TBL1XR1: variants seen among roughly 807,000 people sequenced by gnomAD.
The protein encoded by TBL1XR1 is TBL1X/Y related 1.
In TBL1XR1, 5 loss-of-function variants were observed where a neutral mutation model predicts 66.9. The observed-to-expected ratio is 0.07, with a 90% CI of 0.04 to 0.16. The LOEUF (loss-of-function observed/expected upper bound fraction) is 0.16, where lower values mean the gene tolerates loss of function less well. TBL1XR1 is among the 10% of genes least tolerant of loss of function. TBL1XR1 has a pLI of 1.00. For missense variants in TBL1XR1, 238 were observed against 623.2 expected, an observed-to-expected ratio of 0.38 and a Z score of 6.58; for synonymous variants, 210 against 206.0, an observed-to-expected ratio of 1.02 and a Z score of -0.17.
At chr3:177,186,840 C>A (rs554185631) in intron 1 of TBL1XR1, among the ~76,000 whole-genome samples, 5 of 152,272 alleles carry the variant, frequency 3.3e-5, no homozygotes, top group African/African-American at 1.2e-4. Context: ...AATCCCAGCA[C>A]TTTGGGAGCC....
chr3:177,184,468 C>T (rs898869516), intron 1 of TBL1XR1, among the ~76,000 whole-genome samples: 1 of 152,134 alleles, frequency 6.6e-6, no homozygotes, highest in Middle Eastern at 3.2e-3. Context: ...AAAGTTTGCA[C>T]TAAATTATTT....
chr3:177,110,253 T>C (rs1334906289), intron 1 of TBL1XR1, among the ~76,000 whole-genome samples: 3 of 152,162 alleles, frequency 2.0e-5, no homozygotes, highest in Non-Finnish European at 4.4e-5. Context: ...AAAATTAACA[T>C]CAAAGAACTT....
rs1305283988 is a variant in TBL1XR1, at chr3:177,034,591, T to C, written c.1123-266A>G. On this transcript the variant is annotated intron_variant, in intron 12 of 15. Transcript: ENST00000457928. ...AAGACTGAATTAACTATAGTTGTTCTGAGATTAGTTAACGATCCTAAAATG... is the reference window on the plus strand; with the variant it reads ...AAGACTGAATTAACTATAGTTGTTCCGAGATTAGTTAACGATCCTAAAATG... 3.9e-5 allele frequency among the ~76,000 whole-genome samples: 6 copies of C among 152,290 alleles called. No homozygotes were observed. The East Asian group carries it at 7.7e-4, about 20-fold the overall frequency.
chr3:177,132,645 C>T (rs11717422), intron 1 of TBL1XR1, among the ~76,000 whole-genome samples: 10,410 of 152,166 alleles, frequency 0.068, 520 homozygotes, highest in Admixed American at 0.17. Flanking sequence ...GATTAGAGAA[C>T]ATGGCCAGGA....
intron 2 of TBL1XR1, among the ~76,000 whole-genome samples, chr3:177,095,714 A>C (rs1723393713): frequency 6.6e-6 from 1 of 152,084 alleles, no homozygotes; most frequent in African/African-American, 2.4e-5. Flanking sequence ...TCCTGATCTC[A>C]CAAGTGATCC....
upstream of TBL1XR1, among the ~76,000 whole-genome samples, chr3:177,198,564 G>A (rs1384932232): frequency 1.1e-4 from 16 of 152,112 alleles, no homozygotes; most frequent in Non-Finnish European, 1.2e-4. Context: ...CACCTCACAG[G>A]TTTTAAAGCA....
At position 177,053,761 on chromosome 3, in the gene TBL1XR1, A is replaced by G. The variant is rs1234258200; in HGVS notation, c.204+12T>C. Reference sequence around the variant, plus strand: ...ATGAAAAAAATCAGTATTTGAAATAAGTCTTCCTTACCTCATTAATACTAA... The same window carrying G: ...ATGAAAAAAATCAGTATTTGAAATAGGTCTTCCTTACCTCATTAATACTAA... On this transcript the variant is annotated intron_variant, in intron 4 of 15. Coordinates refer to ENST00000457928, the MANE Select transcript of TBL1XR1 (RefSeq NM_024665.7). 6.2e-7 allele frequency: 1 copy of G among 1,608,518 alleles called. No individual in the cohort carries two copies. Among genetic ancestry groups the G allele is most frequent in the Middle Eastern group, 2.2e-4 (1 of 4,540 alleles).
intron 2 of TBL1XR1, among the ~76,000 whole-genome samples, chr3:177,082,443 C>T (rs1721513488): frequency 1.3e-5 from 2 of 151,276 alleles, no homozygotes; most frequent in African/African-American, 4.8e-5. Flanking sequence ...TATTTTGATA[C>T]TAATATTTAC....
chr3:177,114,264 CAT>C (rs914035604), intron 1 of TBL1XR1, among the ~76,000 whole-genome samples: 4 of 150,504 alleles, frequency 2.7e-5, no homozygotes, highest in Admixed American at 6.6e-5. Context: ...TATATATAAT[CAT>C]ATATATATAC....
chr3:177,115,570 ATGC>A (rs1726207393), intron 1 of TBL1XR1, among the ~76,000 whole-genome samples: 1 of 152,054 alleles, frequency 6.6e-6, no homozygotes, highest in Non-Finnish European at 1.5e-5. Flanking sequence ...AAATCTCTCT[ATGC>A]TGCCTACTGA....
intron 9 of TBL1XR1, among the ~76,000 whole-genome samples, chr3:177,046,835 C>T (rs1716392254): frequency 6.6e-6 from 1 of 152,098 alleles, no homozygotes; most frequent in African/African-American, 2.4e-5. Flanking sequence ...TAATCTTAAA[C>T]CTTTAGGAGG....
chr3:177,089,167 A>G (rs1722520690), intron 2 of TBL1XR1, among the ~76,000 whole-genome samples: 1 of 152,188 alleles, frequency 6.6e-6, no homozygotes, highest in East Asian at 1.9e-4. Context: ...TTTATGAGTA[A>G]AAGAGGTGAT....
At chr3:177,091,401 T>C (rs1722831825) in intron 2 of TBL1XR1, among the ~76,000 whole-genome samples, 1 of 152,098 alleles carries the variant, frequency 6.6e-6, no homozygotes, top group Admixed American at 6.5e-5. Context: ...TATTAACTAT[T>C]GCATATTATA....
intron 2 of TBL1XR1, among the ~76,000 whole-genome samples, chr3:177,069,806 AAGGAAGGAAGG>A (rs1221164049): frequency 7.8e-5 from 9 of 115,072 alleles, no homozygotes; most frequent in African/African-American, 1.9e-4. Flanking sequence ...GGAAGGAAGG[AAGGAAGGAAGG>A]AAGGAAGGAA....
intron 1 of TBL1XR1, among the ~76,000 whole-genome samples, chr3:177,117,435 A>C (rs993074810): frequency 1.4e-4 from 22 of 152,204 alleles, no homozygotes; most frequent in Admixed American, 9.2e-4. Flanking sequence ...TGGTATTGAA[A>C]GTCATGCAGA....
In TBL1XR1 at chr3:177,021,370, CA is replaced by C. The variant is rs55865199; in HGVS notation, c.*4127del. ...AAAGAAAACATCATGAAACAGCTTA[CA>C]AAAAAAAAAAAAATATATGCCCTAG... On this transcript the variant is annotated 3_prime_UTR_variant, in exon 16 of 16. Transcript: ENST00000457928. 0.45 allele frequency: 61,434 copies of C among 136,456 alleles called. 12,504 individuals carry two copies. The highest frequency in any genetic ancestry group is 0.6 in the East Asian group (2,872 of 4,820). The allele number at this position is 136,456 out of a possible 1,614,324, so 8.5% of individuals were successfully genotyped here.
upstream of TBL1XR1, among the ~76,000 whole-genome samples, chr3:177,197,655 G>A (rs1467262059): frequency 7.1e-6 from 1 of 141,752 alleles, no homozygotes; most frequent in Non-Finnish European, 1.6e-5. Context: ...GGCGCGCGGG[G>A]GAGGGGCCGG....
At chr3:177,129,749 TAAG>T (rs1262588449) in intron 1 of TBL1XR1, among the ~76,000 whole-genome samples, 10 of 152,236 alleles carry the variant, frequency 6.6e-5, no homozygotes, top group East Asian at 5.8e-4. Flanking sequence ...TTGGCAAAGA[TAAG>T]AAGTTTTATA....
At chr3:177,151,154 G>A (rs1577320308) in intron 1 of TBL1XR1, among the ~76,000 whole-genome samples, 2 of 152,304 alleles carry the variant, frequency 1.3e-5, no homozygotes, top group South Asian at 4.1e-4. Flanking sequence ...GGCCACAGTG[G>A]TATATAAAAG....
Sources: gnomAD v4.1 joint callset for allele counts (sites outside exome capture counted in the v4.1 genomes callset) on GRCh38, gnomAD v4.1.1 for gene constraint, MANE v1.5 for transcripts, NCBI Gene and HGNC (gene_info 2026-07-23, HGNC 2026-07-21) for gene names.